CCDC144A: variants seen among roughly 807,000 people sequenced by gnomAD.
CCDC144A encodes the protein coiled-coil domain-containing protein 144A.
In CCDC144A, 41 loss-of-function variants were observed where a neutral mutation model predicts 143.8. That is an observed-to-expected ratio of 0.29 (90% CI 0.22 to 0.37). The LOEUF (loss-of-function observed/expected upper bound fraction) is 0.37. Ranked by LOEUF, CCDC144A falls within the 10% of genes least tolerant of loss-of-function variation. The pLI, the probability that CCDC144A is intolerant of heterozygous loss-of-function variation, is 1.00. For missense variants in CCDC144A, 637 were observed against 1,488.8 expected, an observed-to-expected ratio of 0.43 and a Z score of 9.41; for synonymous variants, 242 against 517.9, an observed-to-expected ratio of 0.47 and a Z score of 7.23.
At chr17:16,712,151 GAAAC>G (rs1567590231) in intron 6 of CCDC144A, 1 of 228,792 alleles carries the variant, frequency 4.4e-6, no homozygotes, top group African/African-American at 2.3e-5. Flanking sequence ...AGCAAAAACA[GAAAC>G]AAAAACAAAA....
chr17:16,715,276 G>GTGTA (rs1912680297), intron 6 of CCDC144A, among the ~76,000 whole-genome samples: 1 of 149,618 alleles, frequency 6.7e-6, no homozygotes, highest in South Asian at 2.1e-4. Context: ...TTACCCTTCG[G>GTGTA]TGTATTGTTT....
chr17:16,669,691 T>C, the CCDC144A span, among the ~76,000 whole-genome samples: 9 of 152,222 alleles, frequency 5.9e-5, no homozygotes, highest in Non-Finnish European at 4.4e-5. Context: ...GTAGTAGCCA[T>C]GTGTGGCTAT....
chr17:16,717,960 G>A (rs1432811753), intron 6 of CCDC144A, among the ~76,000 whole-genome samples: 7 of 152,146 alleles, frequency 4.6e-5, no homozygotes, highest in Admixed American at 4.6e-4. Flanking sequence ...AGTAACTTGT[G>A]GTCTGCTGCA....
chr17:16,721,222 T>C (rs1913075277), intron 8 of CCDC144A, among the ~76,000 whole-genome samples: 1 of 152,090 alleles, frequency 6.6e-6, no homozygotes, highest in African/African-American at 2.4e-5. Context: ...TGTGATAGAC[T>C]GCACGTATAT....
At chr17:16,693,568 G>T (rs1029302673) in intron 2 of CCDC144A, among the ~76,000 whole-genome samples, 2 of 152,146 alleles carry the variant, frequency 1.3e-5, no homozygotes, top group African/African-American at 2.4e-5. Context: ...ATCCGCCTCG[G>T]CCTCCCAAAG....
At chr17:16,676,854 T>G in the CCDC144A span, among the ~76,000 whole-genome samples, 1 of 152,152 alleles carries the variant, frequency 6.6e-6, no homozygotes, top group Non-Finnish European at 1.5e-5. Context: ...GTCTTCCAGA[T>G]GTACATCCCA....
At position 16,756,486 on chromosome 17, in the gene CCDC144A, T is replaced by C. The variant is rs1915093862; in HGVS notation, c.3373-4939T>C. On this transcript the variant is annotated intron_variant, in intron 12 of 16. Coordinates refer to ENST00000399273, the MANE Select transcript of CCDC144A (RefSeq NM_001382000.1). ...CCTTTTAATGCTATCTTTTTCATTGTTGAATTTCTTATTCAGATCATAAAT... is the reference window on the plus strand; with the variant it reads ...CCTTTTAATGCTATCTTTTTCATTGCTGAATTTCTTATTCAGATCATAAAT... Among the ~76,000 whole-genome samples, 3 of 150,232 alleles carry C rather than the reference T, an allele frequency of 2.0e-5. No individual in the cohort carries two copies. In the South Asian group the frequency reaches 6.4e-4, roughly 32 times the overall value.
chr17:16,678,585 CT>C, the CCDC144A span, among the ~76,000 whole-genome samples: 228 of 136,836 alleles, frequency 1.7e-3, no homozygotes, highest in East Asian at 8.4e-3. Context: ...TTTTTCTTTT[CT>C]TTTTTTTTTT....
At chr17:16,762,275 T>G in intron 13 of CCDC144A, 38 bp from the exon 14 acceptor site, 1 of 1,540,000 alleles carries the variant, frequency 6.5e-7, no homozygotes, top group Non-Finnish European at 8.8e-7. Flanking sequence ...ATTCAGGTTA[T>G]AATTACTTTT....
the CCDC144A span, among the ~76,000 whole-genome samples, chr17:16,678,996 C>T: frequency 2.6e-5 from 4 of 151,980 alleles, no homozygotes; most frequent in South Asian, 6.3e-4. Flanking sequence ...TCAGGTGATC[C>T]GCCCGCCTCG....
chr17:16,674,303 A>T, the CCDC144A span, among the ~76,000 whole-genome samples: 1 of 152,078 alleles, frequency 6.6e-6, no homozygotes, highest in Admixed American at 6.6e-5. Flanking sequence ...ATTCCCAGCT[A>T]CTTGAGAGGC....
chr17:16,671,845 T>C, the CCDC144A span, among the ~76,000 whole-genome samples: 1 of 152,128 alleles, frequency 6.6e-6, no homozygotes, highest in Non-Finnish European at 1.5e-5. Context: ...AAAAACCATA[T>C]GTATTAACAT....
intron 6 of CCDC144A, among the ~76,000 whole-genome samples, chr17:16,714,766 ATG>A (rs1196208985): frequency 6.6e-6 from 1 of 151,896 alleles, no homozygotes; most frequent in Non-Finnish European, 1.5e-5. Context: ...CACTCTGAGT[ATG>A]TGTCAGGGTT....
intron 12 of CCDC144A, among the ~76,000 whole-genome samples, chr17:16,742,123 C>T (rs929715156): frequency 1.3e-5 from 2 of 152,034 alleles, no homozygotes; most frequent in African/African-American, 2.4e-5. Flanking sequence ...ACCATATTCA[C>T]CCTACAATGC....
At chr17:16,746,910 C>T (rs910626196) in intron 12 of CCDC144A, 5 of 610,126 alleles carry the variant, frequency 8.2e-6, no homozygotes, top group Non-Finnish European at 8.7e-6. Flanking sequence ...CCTCCCTCCC[C>T]TCTAGGTCCC....
chr17:16,713,877 A>G (rs1159302480), intron 6 of CCDC144A, among the ~76,000 whole-genome samples: 2 of 152,212 alleles, frequency 1.3e-5, no homozygotes, highest in African/African-American at 4.8e-5. Context: ...AAAGAGTGGT[A>G]TATACTCATG....
At chr17:16,720,254 C>T in intron 7 of CCDC144A, 23 bp downstream of exon 7, 2 of 1,513,302 alleles carry the variant, frequency 1.3e-6, no homozygotes, top group Non-Finnish European at 1.8e-6. Flanking sequence ...AGGAAATGAT[C>T]TAAAATATTG....
intron 11 of CCDC144A, among the ~76,000 whole-genome samples, chr17:16,733,651 C>CT (rs1317846303): frequency 1.3e-5 from 2 of 150,298 alleles, no homozygotes; most frequent in Admixed American, 1.3e-4. Context: ...TCTGTAACTT[C>CT]TTTTTTTACC....
chr17:16,700,989 A>C (rs1201465158), intron 2 of CCDC144A, among the ~76,000 whole-genome samples: 1 of 149,898 alleles, frequency 6.7e-6, no homozygotes, highest in Non-Finnish European at 1.5e-5. Flanking sequence ...TCAGATATTC[A>C]ATCATTTTTG....
Sources: gnomAD v4.1 joint callset for allele counts (sites outside exome capture counted in the v4.1 genomes callset) on GRCh38, gnomAD v4.1.1 for gene constraint, MANE v1.5 for transcripts, NCBI Gene and HGNC (gene_info 2026-07-23, HGNC 2026-07-21) for gene names.